The following CTNNA2 variants were observed in gnomAD, a reference collection of about 807,000 sequenced individuals.
The protein encoded by CTNNA2 is catenin alpha-2.
Under a neutral mutation model 101.0 loss-of-function variants are expected in CTNNA2, and 42 were observed. The observed-to-expected ratio is 0.42, with a 90% CI of 0.32 to 0.54. CTNNA2 has a LOEUF of 0.54. CTNNA2 is among the 20% of genes least tolerant of loss of function. The probability of loss-of-function intolerance (pLI) is 0.14; values close to 1 mark genes in which losing one functional copy is unlikely to be tolerated. For synonymous variants in CTNNA2, 450 were observed against 456.4 expected (o/e 0.99, Z 0.18); for missense variants, 871 against 1,223.1 (o/e 0.71, Z 4.29).
chr2:80,592,465 C>T (rs1342927747), intron 15 of CTNNA2, among the ~76,000 whole-genome samples: 1 of 152,292 alleles, frequency 6.6e-6, no homozygotes, highest in East Asian at 1.9e-4. Context: ...TAATTTTGTA[C>T]ATGTTTAACA....
At chr2:80,208,249 ATTTG>A (rs1019905200) in intron 7 of CTNNA2, among the ~76,000 whole-genome samples, 17 of 152,190 alleles carry the variant, frequency 1.1e-4, no homozygotes, top group African/African-American at 4.1e-4. Flanking sequence ...ATTTTCGTTC[ATTTG>A]TTTGTTTGTT....
chr2:79,889,568 T>A (rs1684161508), intron 6 of CTNNA2, among the ~76,000 whole-genome samples: 1 of 152,200 alleles, frequency 6.6e-6, no homozygotes, highest in South Asian at 2.1e-4. Flanking sequence ...AACTCTTCCC[T>A]CTGTGCCTCT....
At chr2:79,467,107 G>A (rs1251631551) in intron 4 of CTNNA2, among the ~76,000 whole-genome samples, 5 of 152,156 alleles carry the variant, frequency 3.3e-5, no homozygotes, top group Non-Finnish European at 5.9e-5. Context: ...CAAACCCATC[G>A]TAAAGAAGCT....
At chr2:79,688,158 A>G (rs1332207854) in intron 2 of CTNNA2, among the ~76,000 whole-genome samples, 2 of 152,064 alleles carry the variant, frequency 1.3e-5, no homozygotes, top group African/African-American at 4.8e-5. Flanking sequence ...GCAGAAACAA[A>G]TTTTCTAGAA....
intron 1 of CTNNA2, among the ~76,000 whole-genome samples, chr2:79,558,558 G>A (rs1490693686): frequency 2.0e-5 from 3 of 151,858 alleles, no homozygotes; most frequent in Admixed American, 6.6e-5. Context: ...ATTGTATGTG[G>A]TAGAAGGGCC....
chr2:79,839,009 G>T (rs1679602974), intron 3 of CTNNA2, among the ~76,000 whole-genome samples: 1 of 151,820 alleles, frequency 6.6e-6, no homozygotes, highest in South Asian at 2.1e-4. Flanking sequence ...CTATAAACTG[G>T]GCAAAGTTTT....
chr2:80,117,134 C>A (rs899156914), intron 7 of CTNNA2, among the ~76,000 whole-genome samples: 33 of 152,060 alleles, frequency 2.2e-4, no homozygotes, highest in Non-Finnish European at 5.9e-5. Context: ...AATTCCTAAT[C>A]TGTAAGAGTC....
intron 7 of CTNNA2, among the ~76,000 whole-genome samples, chr2:79,972,183 G>A (rs1436109045): frequency 6.6e-6 from 1 of 152,142 alleles, no homozygotes; most frequent in African/African-American, 2.4e-5. Flanking sequence ...CACAAAAGGA[G>A]CAGAACCTTT....
At chr2:79,778,902 A>C (rs2105188134) in intron 3 of CTNNA2, among the ~76,000 whole-genome samples, 1 of 152,322 alleles carries the variant, frequency 6.6e-6, no homozygotes, top group South Asian at 2.1e-4. Context: ...AAAGGTAAAA[A>C]TCATTCTTAG....
chr2:79,472,679 A>G (rs400482), intron 4 of CTNNA2, among the ~76,000 whole-genome samples: 49,830 of 151,970 alleles, frequency 0.33, 8,286 homozygotes, highest in South Asian at 0.44. Flanking sequence ...CAAACTGTCA[A>G]TTGGCTGCAC....
At chr2:80,057,893 G>T (rs1042245148) in intron 7 of CTNNA2, among the ~76,000 whole-genome samples, 2 of 152,068 alleles carry the variant, frequency 1.3e-5, no homozygotes, top group East Asian at 3.9e-4. Context: ...TAGCAGATAC[G>T]CAGATACCCC....
At chr2:80,120,410 G>A (rs976765109) in intron 7 of CTNNA2, among the ~76,000 whole-genome samples, 1 of 152,140 alleles carries the variant, frequency 6.6e-6, no homozygotes, top group African/African-American at 2.4e-5. Context: ...CAAGAATCTG[G>A]AAAAATAGAA....
intron 2 of CTNNA2, among the ~76,000 whole-genome samples, chr2:79,700,958 G>C (rs776154046): frequency 1.3e-5 from 2 of 152,036 alleles, no homozygotes; most frequent in African/African-American, 2.4e-5. Flanking sequence ...TCTATTTTTT[G>C]TTCCATTTTT....
At position 80,647,904 on chromosome 2, in the gene CTNNA2, T is replaced by G. The variant is rs771179648; in HGVS notation, c.*32T>G. 1.4e-5 allele frequency: 21 copies of G among 1,527,210 alleles called. No individual in the cohort carries two copies. In the Admixed American group the frequency reaches 4.6e-4, roughly 34 times the overall value. The allele number at this position is 1,527,210 out of a possible 1,614,324, so 94.6% of individuals were successfully genotyped here. ...AGGTTTTAACAAGAAAGCTTTTTCT[T>G]TCTTTTCTTTCTTTCTTTTTCTTTT... On this transcript the variant is annotated 3_prime_UTR_variant, in exon 19 of 19. Transcript: ENST00000402739.
chr2:80,061,495 T>A (rs1697598009), intron 7 of CTNNA2, among the ~76,000 whole-genome samples: 1 of 152,182 alleles, frequency 6.6e-6, no homozygotes, highest in Non-Finnish European at 1.5e-5. Flanking sequence ...GGCATAATAT[T>A]ACTAAACGAA....
At chr2:80,500,399 C>G (rs539221934) in intron 9 of CTNNA2, among the ~76,000 whole-genome samples, 1 of 152,130 alleles carries the variant, frequency 6.6e-6, no homozygotes, top group African/African-American at 2.4e-5. Flanking sequence ...ATCCATCCAC[C>G]CATCCGCCTA....
intron 2 of CTNNA2, among the ~76,000 whole-genome samples, chr2:79,729,440 T>C (rs1687068566): frequency 6.6e-6 from 1 of 152,144 alleles, no homozygotes; most frequent in African/African-American, 2.4e-5. Context: ...CTGTATTGTT[T>C]CTGTCCCCTG....
intron 7 of CTNNA2, among the ~76,000 whole-genome samples, chr2:80,278,772 G>A (rs998428203): frequency 6.6e-5 from 10 of 151,878 alleles, no homozygotes; most frequent in Admixed American, 1.3e-4. Flanking sequence ...TTCATGACTA[G>A]CCTGAGTAGT....
At chr2:79,409,251 C>T (rs1678379345) in intron 4 of CTNNA2, among the ~76,000 whole-genome samples, 1 of 152,102 alleles carries the variant, frequency 6.6e-6, no homozygotes, top group East Asian at 1.9e-4. Context: ...TTGTAGGTTG[C>T]CTGTTCAGTC....
Sources: allele counts gnomAD v4.1 joint callset (sites outside exome capture counted in the v4.1 genomes callset), GRCh38; gene constraint gnomAD v4.1.1; transcripts MANE v1.5; gene names NCBI Gene and HGNC (gene_info 2026-07-23, HGNC 2026-07-21).